The following ARHGAP26 variants were observed in gnomAD, a reference collection of about 807,000 sequenced individuals.
ARHGAP26 encodes the protein rho GTPase-activating protein 26.
Under a neutral mutation model 104.8 loss-of-function variants are expected in ARHGAP26, and 38 were observed. The observed-to-expected ratio is 0.36, with a 90% CI of 0.28 to 0.48. The LOEUF (loss-of-function observed/expected upper bound fraction) is 0.48. Among genes scored for constraint, ARHGAP26 ranks in the 20% least tolerant of loss-of-function variants. ARHGAP26 has a pLI of 0.99. For missense variants in ARHGAP26, 704 were observed against 947.9 expected (o/e 0.74, Z 3.38); for synonymous variants, 341 against 340.0 (o/e 1.00, Z -0.03).
At chr5:143,073,487 T>C (rs1421547965) in intron 17 of ARHGAP26, among the ~76,000 whole-genome samples, 1 of 152,202 alleles carries the variant, frequency 6.6e-6, no homozygotes, top group Admixed American at 6.5e-5. Context: ...ATTAAGTAAT[T>C]GCTATGGAAA....
Position 142,993,444 on chromosome 5 carries a change from C to A in ARHGAP26, c.1108-20636C>A, listed in dbSNP as rs534034770. Among the ~76,000 whole-genome samples, 10 of 152,004 alleles carry A rather than the reference C, an allele frequency of 6.6e-5. No homozygotes were observed. The South Asian group carries it at 2.1e-3, about 32-fold the overall frequency. ...TCGGCCTCCCAAAGTGCTGGGATTGCAGGTGTGAGCCACCACGCCCGGCCC... is the reference window on the plus strand; with the variant it reads ...TCGGCCTCCCAAAGTGCTGGGATTGAAGGTGTGAGCCACCACGCCCGGCCC... On this transcript the variant is annotated intron_variant, in intron 11 of 22. Coordinates refer to ENST00000645722, the MANE Select transcript of ARHGAP26 (RefSeq NM_001135608.3).
At chr5:142,804,601 C>G (rs1395365920) in intron 1 of ARHGAP26, among the ~76,000 whole-genome samples, 2 of 152,114 alleles carry the variant, frequency 1.3e-5, no homozygotes, top group Non-Finnish European at 2.9e-5. Flanking sequence ...AAGCAATTCT[C>G]GTGCCTCAGC....
chr5:142,809,117 G>A (rs933971598), intron 1 of ARHGAP26, among the ~76,000 whole-genome samples: 67 of 152,198 alleles, frequency 4.4e-4, no homozygotes, highest in African/African-American at 1.6e-3. Flanking sequence ...AAATGGTAGT[G>A]TTAAATTTTA....
chr5:142,831,242 T>C (rs915624784), intron 1 of ARHGAP26, among the ~76,000 whole-genome samples: 2 of 152,194 alleles, frequency 1.3e-5, no homozygotes, highest in African/African-American at 4.8e-5. Flanking sequence ...TCATTTGATA[T>C]CTCTCTGCCT....
At chr5:142,898,516 G>T (rs1759805080) in intron 6 of ARHGAP26, among the ~76,000 whole-genome samples, 1 of 152,056 alleles carries the variant, frequency 6.6e-6, no homozygotes, top group South Asian at 2.1e-4. Context: ...CTGTCCCATT[G>T]CAGGCCTTCA....
intron 11 of ARHGAP26, among the ~76,000 whole-genome samples, chr5:142,958,904 T>TAAAA (rs1199020124): frequency 1.1e-5 from 1 of 88,200 alleles, no homozygotes; most frequent in East Asian, 5.6e-4. Flanking sequence ...CGCTGTCTCT[T>TAAAA]AAAAAAAAAA....
chr5:142,818,638 G>A (rs926795847), intron 1 of ARHGAP26, among the ~76,000 whole-genome samples: 1 of 152,130 alleles, frequency 6.6e-6, no homozygotes, highest in Non-Finnish European at 1.5e-5. Context: ...ATTTCCTCAT[G>A]TATAAAATGA....
At chr5:143,173,645 G>GTT (rs1803094503) in intron 20 of ARHGAP26, among the ~76,000 whole-genome samples, 1 of 152,214 alleles carries the variant, frequency 6.6e-6, no homozygotes, top group Non-Finnish European at 1.5e-5. Flanking sequence ...AGCAGCCTCA[G>GTT]AAAGGTTAAG....
intron 7 of ARHGAP26, among the ~76,000 whole-genome samples, chr5:142,902,901 G>C (rs1760567128): frequency 6.6e-6 from 1 of 152,236 alleles, no homozygotes; most frequent in Non-Finnish European, 1.5e-5. Flanking sequence ...ACCTGTGACA[G>C]AGTGAGGGCA....
intron 20 of ARHGAP26, chr5:143,202,460 G>T (rs1807906313): frequency 6.6e-6 from 1 of 152,066 alleles, no homozygotes; most frequent in South Asian, 2.1e-4. Context: ...TGGATAGGAA[G>T]AATCAGTATC....
chr5:142,965,546 G>T (rs1331749421), intron 11 of ARHGAP26, among the ~76,000 whole-genome samples: 1 of 152,154 alleles, frequency 6.6e-6, no homozygotes, highest in African/African-American at 2.4e-5. Context: ...TGTCCCCTCA[G>T]CTCCTATCTC....
intron 20 of ARHGAP26, among the ~76,000 whole-genome samples, chr5:143,157,553 A>C (rs1800644497): frequency 6.6e-6 from 1 of 152,106 alleles, no homozygotes; most frequent in Non-Finnish European, 1.5e-5. Flanking sequence ...CTTACGCTAC[A>C]TTTCCTAAAT....
At chr5:143,096,038 T>C (rs937532479) in intron 17 of ARHGAP26, among the ~76,000 whole-genome samples, 8 of 152,222 alleles carry the variant, frequency 5.3e-5, no homozygotes, top group Non-Finnish European at 7.3e-5. Context: ...TTTAAAAAAA[T>C]TATTACAATG....
intron 20 of ARHGAP26, among the ~76,000 whole-genome samples, chr5:143,178,085 C>T (rs796169938): frequency 8.7e-5 from 13 of 150,024 alleles, no homozygotes; most frequent in African/African-American, 2.5e-4. Flanking sequence ...CTACAACCTC[C>T]GCTTCCCAGG....
intron 17 of ARHGAP26, among the ~76,000 whole-genome samples, chr5:143,092,462 C>A (rs911699731): frequency 1.3e-5 from 2 of 152,192 alleles, no homozygotes; most frequent in East Asian, 3.8e-4. Flanking sequence ...CTGCACCCGG[C>A]CACATCCCGT....
chr5:143,092,976 A>G (rs1791686043), intron 17 of ARHGAP26, among the ~76,000 whole-genome samples: 1 of 152,220 alleles, frequency 6.6e-6, no homozygotes, highest in African/African-American at 2.4e-5. Context: ...CCTGTCCTGA[A>G]GGGAGTTCCT....
At chr5:142,998,416 A>G (rs1033694336) in intron 11 of ARHGAP26, among the ~76,000 whole-genome samples, 5 of 152,160 alleles carry the variant, frequency 3.3e-5, no homozygotes, top group African/African-American at 1.2e-4. Flanking sequence ...CTCAAGACAG[A>G]CATGCCCTAA....
intron 1 of ARHGAP26, among the ~76,000 whole-genome samples, chr5:142,847,609 G>A (rs1772282770): frequency 6.6e-6 from 1 of 152,150 alleles, no homozygotes; most frequent in Admixed American, 6.5e-5. Context: ...CGCCCACCTC[G>A]GCCTCCCAAA....
intron 1 of ARHGAP26, among the ~76,000 whole-genome samples, chr5:142,850,408 C>CT (rs1433659268): frequency 3.3e-5 from 5 of 151,936 alleles, no homozygotes; most frequent in African/African-American, 1.2e-4. Context: ...ACTGCTTTTT[C>CT]TTTTTCTTGC....
Sources: gnomAD v4.1 joint callset for allele counts (sites outside exome capture counted in the v4.1 genomes callset) on GRCh38, gnomAD v4.1.1 for gene constraint, MANE v1.5 for transcripts, NCBI Gene and HGNC (gene_info 2026-07-23, HGNC 2026-07-21) for gene names.